The following RPS6KA6 variants were observed in gnomAD, a reference collection of about 807,000 sequenced individuals.
The protein encoded by RPS6KA6 is ribosomal protein S6 kinase alpha-6.
A neutral mutation model predicts 65.4 loss-of-function variants in RPS6KA6; 27 were observed. The observed-to-expected ratio is 0.41, with a 90% CI of 0.30 to 0.57. The LOEUF is 0.57. Among genes scored for constraint, RPS6KA6 ranks in the 20% least tolerant of loss-of-function variants. The pLI is 0.24. For synonymous variants in RPS6KA6, 190 were observed against 184.2 expected (o/e 1.03, Z -0.26); for missense variants, 486 against 555.6 (o/e 0.87, Z 1.26).
intron 3 of RPS6KA6, among the ~76,000 whole-genome samples, chrX:84,155,397 T>C (rs2035398896): frequency 9.0e-6 from 1 of 111,502 alleles, no homozygotes; most frequent in Non-Finnish European, 1.9e-5. Context: ...TTACTATGTG[T>C]ATGCAATAAT....
intron 10 of RPS6KA6, 45 bp downstream of exon 10, chrX:84,117,339 C>T: frequency 2.2e-6 from 2 of 892,659 alleles, no homozygotes; most frequent in Non-Finnish European, 3.1e-6. Context: ...AAACTGAAAG[C>T]AAGAGATTTT....
At chrX:84,183,767 C>T (rs952210515) in intron 1 of RPS6KA6, among the ~76,000 whole-genome samples, 3 of 111,268 alleles carry the variant, frequency 2.7e-5, no homozygotes, top group Non-Finnish European at 3.8e-5. Flanking sequence ...TCAAATTCCA[C>T]CTCCTTCACA....
intron 2 of RPS6KA6, among the ~76,000 whole-genome samples, chrX:84,161,634 C>T (rs1215345856): frequency 9.0e-6 from 1 of 111,470 alleles, no homozygotes; most frequent in Non-Finnish European, 1.9e-5. Flanking sequence ...TCCACTGAGT[C>T]TAAGTAAAAC....
At chrX:84,072,909 A>G (rs1172283099) in intron 20 of RPS6KA6, among the ~76,000 whole-genome samples, 1 of 111,796 alleles carries the variant, frequency 8.9e-6, no homozygotes. Context: ...AAATGGAAAA[A>G]TATTCCATTT....
chrX:84,065,954 C>T lies in RPS6KA6; in HGVS notation c.1972-843G>A, dbSNP rs778283382. On this transcript the variant is annotated intron_variant, in intron 20 of 21. Coordinates refer to ENST00000262752, the MANE Select transcript of RPS6KA6 (RefSeq NM_014496.5). Reference sequence around the variant, plus strand: ...ACTGGGACTGGTTAGCCAGTGGGTCCAACTCACGGAGGGTGAGCAGAAGTA... The same window carrying T: ...ACTGGGACTGGTTAGCCAGTGGGTCTAACTCACGGAGGGTGAGCAGAAGTA... 2.7e-5 allele frequency among the ~76,000 whole-genome samples: 3 copies of T among 111,185 alleles called. No individual in the cohort carries two copies. In the South Asian group the frequency reaches 1.2e-3, roughly 43 times the overall value.
At chrX:84,173,603 C>G (rs2035720071) in intron 1 of RPS6KA6, among the ~76,000 whole-genome samples, 1 of 112,359 alleles carries the variant, frequency 8.9e-6, no homozygotes, top group African/African-American at 3.2e-5. Flanking sequence ...AAACTTACTG[C>G]CATATCACTA....
chrX:84,140,752 A>AT, intron 6 of RPS6KA6, among the ~76,000 whole-genome samples: 1 of 95,956 alleles, frequency 1.0e-5, no homozygotes, highest in Admixed American at 1.2e-4. Flanking sequence ...AAAAAAAAAA[A>AT]ACATACATAT....
At chrX:84,173,369 A>T (rs2035716034) in intron 1 of RPS6KA6, among the ~76,000 whole-genome samples, 1 of 111,335 alleles carries the variant, frequency 9.0e-6, no homozygotes, top group Admixed American at 9.6e-5. Context: ...AAGCTTTCTT[A>T]GTTGCAATTT....
chrX:84,071,480 A>C (rs967876910), intron 20 of RPS6KA6, among the ~76,000 whole-genome samples: 5 of 111,630 alleles, frequency 4.5e-5, no homozygotes, highest in African/African-American at 1.6e-4. Flanking sequence ...ATTTAAAAGG[A>C]GGACCCAAAA....
intron 20 of RPS6KA6, among the ~76,000 whole-genome samples, chrX:84,080,756 A>G (rs753990943): frequency 1.8e-5 from 2 of 110,670 alleles, no homozygotes; most frequent in South Asian, 7.8e-4. Context: ...ATGCAAAAGA[A>G]TGGAAATCAT....
intron 6 of RPS6KA6, among the ~76,000 whole-genome samples, chrX:84,139,011 G>T (rs1055884396): frequency 3.6e-5 from 4 of 112,155 alleles, no homozygotes; most frequent in African/African-American, 1.3e-4. Flanking sequence ...CACAAGTGAA[G>T]TATAACCAAC....
chrX:84,094,987 T>G (rs2034124546), intron 20 of RPS6KA6, among the ~76,000 whole-genome samples: 1 of 112,075 alleles, frequency 8.9e-6, no homozygotes, highest in African/African-American at 3.2e-5. Flanking sequence ...TAAACCAAAT[T>G]GCATAGAAAT....
In RPS6KA6 at chrX:84,060,251, T is replaced by C. The variant is rs1221751655; in HGVS notation, c.*4026A>G. On this transcript the variant is annotated 3_prime_UTR_variant, in exon 22 of 22. Coordinates refer to ENST00000262752, the MANE Select transcript of RPS6KA6 (RefSeq NM_014496.5). ...CATGCCAAAAATGCCTGAATAAGCT[T>C]TGAAATGTAAAACAAAAATGTTTTA... The C allele has an allele frequency of 2.7e-5, 3 of 111,429 alleles. No homozygotes were observed. Among genetic ancestry groups the C allele is most frequent in the South Asian group, 3.7e-4 (1 of 2,706 alleles). The allele number at this position is 111,429 out of a possible 1,213,427, so 9.2% of individuals were successfully genotyped here.
chrX:84,122,107 G>C (rs1427659249), intron 8 of RPS6KA6, among the ~76,000 whole-genome samples: 1 of 111,972 alleles, frequency 8.9e-6, no homozygotes, highest in Non-Finnish European at 1.9e-5. Context: ...ACAGTACTTA[G>C]TTTTAACTTC....
At position 84,102,159 on chromosome X, in the gene RPS6KA6, T is replaced by C. The variant is rs765487558; in HGVS notation, c.1654A>G (p.Met552Val). ...GAATCTGCACTGGCTGATTCATCCA[T>C]GTATAAAATATTACTAGGTTTAAGA... ...RDLKPSNILY[M>V]DESASADSIR... Residue 552 changes from methionine to valine, a missense_variant, in exon 18 of 22, where the codon ATG becomes GTG. Met to Val is a conservative substitution (Grantham distance 21). Coordinates refer to ENST00000262752, the MANE Select transcript of RPS6KA6 (RefSeq NM_014496.5). 12 of 1,170,593 alleles carry C rather than the reference T, an allele frequency of 1.0e-5. No individual in the cohort carries two copies. In the South Asian group the frequency reaches 2.4e-4, roughly 23 times the overall value.
chrX:84,109,484 C>T (rs763631621), intron 12 of RPS6KA6, among the ~76,000 whole-genome samples: 10 of 111,432 alleles, frequency 9.0e-5, no homozygotes, highest in African/African-American at 3.3e-4. Context: ...GGCCTGTGAT[C>T]AGCCATAGGG....
intron 12 of RPS6KA6, among the ~76,000 whole-genome samples, chrX:84,109,075 C>T (rs943738396): frequency 8.9e-6 from 1 of 111,983 alleles, no homozygotes; most frequent in African/African-American, 3.2e-5. Flanking sequence ...ACTTGCCACT[C>T]CTGGGCCAAG....
At chrX:84,186,178 C>A in intron 1 of RPS6KA6, 1 of 476,729 alleles carries the variant, frequency 2.1e-6, no homozygotes, top group Admixed American at 3.2e-5. Flanking sequence ...ATACTGCAAA[C>A]AATAAAAAAA....
chrX:84,117,347 T>G (rs1354025891), intron 10 of RPS6KA6, 37 bp downstream of exon 10: 1 of 946,330 alleles, frequency 1.1e-6, no homozygotes, highest in Non-Finnish European at 1.4e-6. Context: ...AGCAAGAGAT[T>G]TTTTTCCCAA....
Sources: gnomAD v4.1 joint callset for allele counts (sites outside exome capture counted in the v4.1 genomes callset) on GRCh38, gnomAD v4.1.1 for gene constraint, MANE v1.5 for transcripts, NCBI Gene and HGNC (gene_info 2026-07-23, HGNC 2026-07-21) for gene names.